Variants in CUX1 observed in about 807,000 individuals in gnomAD.
CUX1 encodes the protein cut like homeobox 1.
Under a neutral mutation model 158.8 loss-of-function variants are expected in CUX1, and 31 were observed. The observed-to-expected ratio is 0.20, with a 90% CI of 0.15 to 0.26. The LOEUF (loss-of-function observed/expected upper bound fraction) is 0.26, where lower values mean the gene tolerates loss of function less well. Ranked by LOEUF, CUX1 falls within the 10% of genes least tolerant of loss-of-function variation. The probability of loss-of-function intolerance (pLI) is 1.00; values close to 1 mark genes in which losing one functional copy is unlikely to be tolerated. For missense variants in CUX1, 1,589 were observed against 2,014.6 expected (o/e 0.79, Z 4.04); for synonymous variants, 879 against 862.1 (o/e 1.02, Z -0.34).
chr7:102,262,181 A>G (rs1468530977), downstream of CUX1, among the ~76,000 whole-genome samples: 4 of 152,144 alleles, frequency 2.6e-5, no homozygotes, highest in African/African-American at 9.7e-5. Flanking sequence ...AGGCGGGTGG[A>G]TCACGAGTTC....
chr7:101,968,494 C>G (rs1412369989), intron 2 of CUX1, among the ~76,000 whole-genome samples: 3 of 152,136 alleles, frequency 2.0e-5, no homozygotes, highest in South Asian at 4.1e-4. Flanking sequence ...GCGATCTTGG[C>G]TCACCGCAGC....
chr7:101,839,975 T>C (rs908075199), intron 1 of CUX1, among the ~76,000 whole-genome samples: 2 of 152,234 alleles, frequency 1.3e-5, no homozygotes, highest in African/African-American at 4.8e-5. Flanking sequence ...TTGGTCAGGC[T>C]GATCTCAAAC....
intron 4 of CUX1, among the ~76,000 whole-genome samples, chr7:102,089,560 C>T (rs1316912024): frequency 6.6e-6 from 1 of 152,222 alleles, no homozygotes; most frequent in Non-Finnish European, 1.5e-5. Flanking sequence ...TACTCTTCAA[C>T]AAGTCCTTGC....
chr7:101,916,472 A>G lies in CUX1; in HGVS notation c.141+247A>G, dbSNP rs895293295. The G allele has an allele frequency of 1.0e-5, 4 of 398,212 alleles. No individual in the cohort carries two copies. Among genetic ancestry groups the G allele is most frequent in the African/African-American group, 6.2e-5 (3 of 48,416 alleles). 24.7% of individuals were successfully genotyped at this position (398,212 alleles called of 1,614,324 possible). Reference sequence around the variant, plus strand: ...GTCAGAGCCAATTCCAGGTGCAGATACTGGACAAGCTTGGTCTGTAAGAAC... The same window carrying G: ...GTCAGAGCCAATTCCAGGTGCAGATGCTGGACAAGCTTGGTCTGTAAGAAC... On this transcript the variant is annotated intron_variant, in intron 2 of 23. Transcript: ENST00000292535. This position sits in a 1 kb window ranked among gnomAD's most constrained non-coding sequence, Gnocchi z 4.4.
At chr7:102,016,878 G>A (rs1409377136) in intron 2 of CUX1, among the ~76,000 whole-genome samples, 1 of 152,224 alleles carries the variant, frequency 6.6e-6, no homozygotes, top group Non-Finnish European at 1.5e-5. Context: ...CCTAAGATCT[G>A]GAATAAATGA....
intron 8 of CUX1, among the ~76,000 whole-genome samples, chr7:102,154,708 T>G (rs1469025740): frequency 1.3e-5 from 2 of 151,978 alleles, no homozygotes; most frequent in African/African-American, 4.8e-5. Context: ...TAGCAAAATA[T>G]AAAAGAAAAG....
At chr7:102,104,610 GGCT>G in intron 6 of CUX1, 151 bp downstream of exon 6, 1 of 1,122,588 alleles carries the variant, frequency 8.9e-7, no homozygotes, top group Non-Finnish European at 1.2e-6. Flanking sequence ...ATGATATTCT[GGCT>G]GGGTGTGGTG....
chr7:102,031,112 G>A (rs1044653784), intron 3 of CUX1, among the ~76,000 whole-genome samples: 1 of 152,142 alleles, frequency 6.6e-6, no homozygotes, highest in African/African-American at 2.4e-5. Flanking sequence ...AGGCTGGGAT[G>A]AAGTGGCACA....
At chr7:102,015,434 G>T (rs1818476972) in intron 2 of CUX1, among the ~76,000 whole-genome samples, 1 of 152,050 alleles carries the variant, frequency 6.6e-6, no homozygotes, top group Non-Finnish European at 1.5e-5. Flanking sequence ...CACTGTGTTG[G>T]CCAGGCTGGT....
At chr7:101,980,743 A>C (rs1585161959) in intron 2 of CUX1, among the ~76,000 whole-genome samples, 1 of 151,368 alleles carries the variant, frequency 6.6e-6, no homozygotes, top group South Asian at 2.1e-4. Flanking sequence ...TAACTCTGTG[A>C]CCCCCGGCCC....
intron 14 of CUX1, chr7:102,264,688 A>G (rs1790671757): frequency 6.6e-6 from 1 of 152,348 alleles, no homozygotes; most frequent in Non-Finnish European, 1.5e-5. Flanking sequence ...CTCACCCAGG[A>G]GGCCACAACT....
intron 8 of CUX1, among the ~76,000 whole-genome samples, chr7:102,135,979 A>C (rs1554498633): frequency 6.6e-6 from 1 of 152,084 alleles, no homozygotes. Flanking sequence ...GTCTCAAAAA[A>C]AAAAGAAAAT....
chr7:101,992,041 T>C (rs146892353), intron 2 of CUX1, among the ~76,000 whole-genome samples: 85 of 152,036 alleles, frequency 5.6e-4, no homozygotes, highest in Non-Finnish European at 1.1e-3. Context: ...TATGTATCAG[T>C]AGGTTAATCT....
intron 1 of CUX1, among the ~76,000 whole-genome samples, chr7:101,903,718 C>G (rs1352480715): frequency 6.6e-6 from 1 of 152,176 alleles, no homozygotes; most frequent in Non-Finnish European, 1.5e-5. Flanking sequence ...GACAGCGTCT[C>G]TCACATCTCA....
chr7:102,045,818 C>T (rs1011703374), intron 3 of CUX1, among the ~76,000 whole-genome samples: 6 of 152,210 alleles, frequency 3.9e-5, no homozygotes, highest in African/African-American at 4.8e-5. Context: ...GTTTACAGCT[C>T]GAACTCGGGC....
At chr7:102,153,355 C>T (rs1410203182) in intron 8 of CUX1, 1 of 152,268 alleles carries the variant, frequency 6.6e-6, no homozygotes, top group African/African-American at 2.4e-5. Flanking sequence ...CCACTGGCAA[C>T]ACCAGGTCGC....
intron 5 of CUX1, among the ~76,000 whole-genome samples, chr7:102,100,175 G>T (rs145325188): frequency 2.0e-5 from 3 of 152,234 alleles, no homozygotes; most frequent in African/African-American, 7.2e-5. Flanking sequence ...CTACTCAGAA[G>T]ACTGAGGTGG....
chr7:102,197,342 C>A lies in CUX1; in HGVS notation c.1894+37C>A, dbSNP rs370856477. On this transcript the variant is annotated intron_variant, in intron 15 of 23. Coordinates refer to ENST00000292535, the MANE Select transcript of CUX1 (RefSeq NM_181552.4). ...GCGTTGGGTGGCGCCAGCGTGCGAG[C>A]CCGTCACAGAGTTGCACATGTGTGT... The A allele has an allele frequency of 4.0e-5, 63 of 1,594,734 alleles. No individual in the cohort carries two copies. The African/African-American group carries it at 7.0e-4, about 18-fold the overall frequency.
chr7:101,983,774 G>A (rs1813802123), intron 2 of CUX1, among the ~76,000 whole-genome samples: 1 of 151,946 alleles, frequency 6.6e-6, no homozygotes, highest in Non-Finnish European at 1.5e-5. Flanking sequence ...TTACCAGGAG[G>A]TGGGCACCAA....
Sources: gnomAD v4.1 joint callset for allele counts (sites outside exome capture counted in the v4.1 genomes callset) on GRCh38, gnomAD v4.1.1 for gene constraint, Gnocchi (gnomAD v3.1) non-coding constraint, MANE v1.5 for transcripts, NCBI Gene and HGNC (gene_info 2026-07-23, HGNC 2026-07-21) for gene names.